Variants in UQCRH observed in about 807,000 individuals in gnomAD.
UQCRH encodes cytochrome b-c1 complex subunit 6, mitochondrial.
UQCRH carries 14 observed loss-of-function variants against 16.3 expected under a neutral mutation model. The observed-to-expected ratio is 0.86, with a 90% CI of 0.57 to 1.34. The LOEUF (loss-of-function observed/expected upper bound fraction) is 1.34, where lower values mean the gene tolerates loss of function less well. Among genes scored for constraint, UQCRH ranks in the 40% most tolerant of loss-of-function variants. The pLI is 0.00. For missense variants in UQCRH, 89 were observed against 111.9 expected, an observed-to-expected ratio of 0.80 and a Z score of 0.92; for synonymous variants, 41 against 41.9, an observed-to-expected ratio of 0.98 and a Z score of 0.08.
chr1:46,311,084 AAAAAAT>A (rs1661463502), intron 3 of UQCRH, among the ~76,000 whole-genome samples: 1 of 149,258 alleles, frequency 6.7e-6, no homozygotes, highest in Admixed American at 6.6e-5. Context: ...CAAAAAAAAA[AAAAAAT>A]AATAATAATA....
chr1:46,313,648 G>GATAC (rs1661523965), intron 3 of UQCRH, among the ~76,000 whole-genome samples: 1 of 142,228 alleles, frequency 7.0e-6, no homozygotes, highest in African/African-American at 2.7e-5. Flanking sequence ...TAGACAGATA[G>GATAC]ATAGATAGAT....
chr1:46,305,960 C>G (rs894740145), intron 1 of UQCRH, among the ~76,000 whole-genome samples: 8 of 151,860 alleles, frequency 5.3e-5, no homozygotes, highest in Non-Finnish European at 1.0e-4. Context: ...CGCACGCCAC[C>G]TAATTTTTGT....
intron 3 of UQCRH, among the ~76,000 whole-genome samples, chr1:46,313,797 C>T (rs868466677): frequency 1.3e-5 from 2 of 148,388 alleles, no homozygotes; most frequent in Admixed American, 6.7e-5. Flanking sequence ...GCCATGATCA[C>T]GCCACTGCAC....
chr1:46,305,089 A>T (rs1661341521), intron 1 of UQCRH, among the ~76,000 whole-genome samples: 1 of 150,644 alleles, frequency 6.6e-6, no homozygotes, highest in Non-Finnish European at 1.5e-5. Flanking sequence ...CGGCCGAGGC[A>T]GACAGGTAGC....
At chr1:46,311,284 G>A (rs1278203127) in intron 3 of UQCRH, among the ~76,000 whole-genome samples, 3 of 150,402 alleles carry the variant, frequency 2.0e-5, no homozygotes, top group African/African-American at 7.4e-5. Context: ...TGTATTGGCC[G>A]GGCGCGGTGG....
chr1:46,312,277 G>A (rs1169517729), intron 3 of UQCRH, among the ~76,000 whole-genome samples: 1 of 151,678 alleles, frequency 6.6e-6, no homozygotes, highest in Non-Finnish European at 1.5e-5. Flanking sequence ...TTGTTTGTTT[G>A]TATTTTTAGT....
At chr1:46,305,913 C>G (rs1661365065) in intron 1 of UQCRH, among the ~76,000 whole-genome samples, 1 of 151,578 alleles carries the variant, frequency 6.6e-6, no homozygotes, top group Non-Finnish European at 1.5e-5. Flanking sequence ...AAGCGATTCT[C>G]TTTTGCCTCA....
In UQCRH at chr1:46,310,315, G is replaced by T; in HGVS notation, c.242G>T (p.Cys81Phe). 1 of 1,614,098 alleles carries T rather than the reference G, an allele frequency of 6.2e-7. No individual in the cohort carries two copies. Among genetic ancestry groups the T allele is most frequent in the Non-Finnish European group, 8.5e-7 (1 of 1,180,000 alleles). ...GACTTCTTGCATGCGAGGGACCATT[G>T]CGTAAGTCAGTGGGAAGTCAGGAAG... Reference protein sequence around the residue: ...LFDFLHARDHCVAHKLFNNLK With the variant: ...LFDFLHARDHFVAHKLFNNLK Residue 81 changes from cysteine (C) to phenylalanine (F), a missense_variant and splice_region_variant, in exon 3 of 4, where the codon TGC becomes TTC. Transcript: ENST00000311672.
At chr1:46,310,133 T>G in intron 2 of UQCRH, 22 bp from the exon 3 acceptor site, 1 of 1,614,196 alleles carries the variant, frequency 6.2e-7, no homozygotes, top group Non-Finnish European at 8.5e-7. Flanking sequence ...CCCATTTTGT[T>G]TTTTTTCTGT....
At chr1:46,309,304 C>A in intron 2 of UQCRH, 177 bp downstream of exon 2, 1 of 697,642 alleles carries the variant, frequency 1.4e-6, no homozygotes. Context: ...GAAGCTGAGT[C>A]TGTTCTGGGT....
intron 1 of UQCRH, among the ~76,000 whole-genome samples, chr1:46,306,773 C>G (rs778059360): frequency 6.6e-6 from 1 of 152,188 alleles, no homozygotes; most frequent in East Asian, 1.9e-4. Context: ...AAACCTTTGC[C>G]AATTGTGAGA....
At chr1:46,309,748 G>T in intron 2 of UQCRH, 2 of 508,108 alleles carry the variant, frequency 3.9e-6, no homozygotes, top group Non-Finnish European at 5.6e-6. Context: ...CTTTCTAGTT[G>T]GGCAGCTGGG....
intron 1 of UQCRH, among the ~76,000 whole-genome samples, chr1:46,307,176 C>T (rs1415036893): frequency 6.6e-6 from 1 of 152,170 alleles, no homozygotes; most frequent in African/African-American, 2.4e-5. Flanking sequence ...TCCTGAGTAG[C>T]TGGGATTTCA....
At chr1:46,310,566 T>C (rs148445085) in intron 3 of UQCRH, among the ~76,000 whole-genome samples, 368 of 152,330 alleles carry the variant, frequency 2.4e-3, no homozygotes, top group African/African-American at 8.6e-3. Flanking sequence ...TGGGCCTAAG[T>C]GATCCTGCCT....
At chr1:46,312,061 A>G (rs973194629) in intron 3 of UQCRH, among the ~76,000 whole-genome samples, 1 of 149,838 alleles carries the variant, frequency 6.7e-6, no homozygotes, top group Non-Finnish European at 1.5e-5. Context: ...CTGAGTAGCC[A>G]GGACTATAGG....
intron 2 of UQCRH, 80 bp from the exon 3 acceptor site, chr1:46,310,075 G>A: frequency 3.1e-6 from 5 of 1,592,700 alleles, no homozygotes; most frequent in Non-Finnish European, 4.3e-6. Context: ...TGGTTTGGTG[G>A]TTGTGTTAAT....
chr1:46,314,785 G>T (rs80286800), intron 3 of UQCRH, among the ~76,000 whole-genome samples: 1 of 152,168 alleles, frequency 6.6e-6, no homozygotes, highest in African/African-American at 2.4e-5. Context: ...TTCCACTTTG[G>T]TGAGGTACCT....
chr1:46,311,087 A>AAATAAT (rs1164301987), intron 3 of UQCRH, among the ~76,000 whole-genome samples: 3 of 144,454 alleles, frequency 2.1e-5, no homozygotes, highest in Non-Finnish European at 4.5e-5. Flanking sequence ...AAAAAAAAAA[A>AAATAAT]AATAATAATA....
At chr1:46,307,190 G>A (rs576746564) in intron 1 of UQCRH, among the ~76,000 whole-genome samples, 88 of 152,256 alleles carry the variant, frequency 5.8e-4, no homozygotes, top group African/African-American at 1.9e-3. Context: ...GATTTCAGGC[G>A]CGTGCCACCA....
Sources: gnomAD v4.1 joint callset for allele counts (sites outside exome capture counted in the v4.1 genomes callset) on GRCh38, gnomAD v4.1.1 for gene constraint, MANE v1.5 for transcripts, NCBI Gene and HGNC (gene_info 2026-07-23, HGNC 2026-07-21) for gene names.